Variants in RASA3 observed in about 807,000 individuals in gnomAD.
The protein encoded by RASA3 is RAS p21 protein activator 3, also known as ras GTPase-activating protein 3.
RASA3 carries 73 observed loss-of-function variants against 110.0 expected under a neutral mutation model. That is an observed-to-expected ratio of 0.66 (90% CI 0.55 to 0.81). RASA3 has a LOEUF of 0.81. Ranked by LOEUF, RASA3 falls within the 30% of genes least tolerant of loss-of-function variation. The pLI, the probability that RASA3 is intolerant of heterozygous loss-of-function variation, is 0.00. For missense variants in RASA3, 976 were observed against 1,113.2 expected, an observed-to-expected ratio of 0.88 and a Z score of 1.75; for synonymous variants, 500 against 451.4, an observed-to-expected ratio of 1.11 and a Z score of -1.37.
At chr13:114,129,190 C>T (rs2080488039) in intron 1 of RASA3, among the ~76,000 whole-genome samples, 3 of 152,222 alleles carry the variant, frequency 2.0e-5, no homozygotes, top group Admixed American at 2.0e-4. Flanking sequence ...GCAGCGATCG[C>T]ATAGGAAGTG....
rs961952057 is a variant in RASA3 at position 114,014,124 on chromosome 13, T to C, written c.1406-876A>G. Among the ~76,000 whole-genome samples, 10 of 143,334 alleles carry C rather than the reference T, an allele frequency of 7.0e-5. No individual in the cohort carries two copies. The highest frequency in any genetic ancestry group is 1.5e-4 in the Non-Finnish European group (10 of 65,256). The allele number at this position is 143,334 out of a possible 152,430, so 94.0% of individuals were successfully genotyped here. ...TCTCCCTGTCTCTCTCTCTCTCTCCTTGTCTCTCTCTGTCTCTCTCCTTCT... is the reference window on the plus strand; with the variant it reads ...TCTCCCTGTCTCTCTCTCTCTCTCCCTGTCTCTCTCTGTCTCTCTCCTTCT... On this transcript the variant is annotated intron_variant, in intron 14 of 23. Coordinates refer to ENST00000334062, the MANE Select transcript of RASA3 (RefSeq NM_007368.4). This position sits in a 1 kb window ranked among gnomAD's most constrained non-coding sequence, Gnocchi z 4.5.
intron 1 of RASA3, among the ~76,000 whole-genome samples, chr13:114,109,185 C>T (rs1412784354): frequency 6.6e-6 from 1 of 152,226 alleles, no homozygotes; most frequent in African/African-American, 2.4e-5. Context: ...GTGACCGTCA[C>T]AGGACGTTCA....
chr13:113,979,669 G>A (rs532902204), intron 23 of RASA3, among the ~76,000 whole-genome samples: 2 of 152,286 alleles, frequency 1.3e-5, no homozygotes, highest in Admixed American at 6.5e-5. Context: ...CGTGTGTAGC[G>A]CATATACATG....
At chr13:114,040,715 C>G (rs564729864) in intron 4 of RASA3, among the ~76,000 whole-genome samples, 13 of 148,410 alleles carry the variant, frequency 8.8e-5, no homozygotes, top group Non-Finnish European at 7.4e-5. Context: ...ACGCGGAGCC[C>G]GCGCTCACTC....
chr13:114,119,596 C>A (rs1337337306), intron 1 of RASA3, among the ~76,000 whole-genome samples: 3 of 97,776 alleles, frequency 3.1e-5, no homozygotes, highest in East Asian at 7.1e-4. Flanking sequence ...TCCTCACCTT[C>A]TCTCCAGCCA....
chr13:114,080,865 G>A (rs983805724), intron 1 of RASA3, among the ~76,000 whole-genome samples: 5 of 93,768 alleles, frequency 5.3e-5, no homozygotes, highest in Admixed American at 2.1e-4. Flanking sequence ...CAATAGTGCC[G>A]TGTGGCAGAG....
chr13:114,058,459 G>C lies in RASA3; in HGVS notation c.174-6304C>G, dbSNP rs9590543. Among the ~76,000 whole-genome samples, 449 of 152,376 alleles carry C rather than the reference G, an allele frequency of 2.9e-3. 2 individuals carry two copies. The highest frequency in any genetic ancestry group is 0.01 in the African/African-American group (428 of 41,600). On this transcript the variant is annotated intron_variant, in intron 2 of 23. Transcript: ENST00000334062. The stretch of plus-strand genomic sequence containing the variant: ...CCCGTGACTTGTGGTCACCAGACCG[G>C]ACGGAAAACACAGAGACCATTTCCT...
chr13:114,132,358 T>C lies in RASA3; in HGVS notation c.55+77A>G, dbSNP rs973154236. 20 of 1,376,918 alleles carry C rather than the reference T, an allele frequency of 1.5e-5. No homozygotes were observed. The African/African-American group carries it at 2.8e-4, about 20-fold the overall frequency. 85.3% of individuals were successfully genotyped at this position (1,376,918 alleles called of 1,614,324 possible). A position where few individuals can be genotyped will look rare whatever the true frequency, so the allele number is the denominator to read the frequency against. ...TCCGCCGGGGTCCCCAGCAAGGATC[T>C]GCGGAGGGGAGGCGGGCGCGGGAGA... On this transcript the variant is annotated intron_variant, in intron 1 of 23. Coordinates refer to ENST00000334062, the MANE Select transcript of RASA3 (RefSeq NM_007368.4).
intron 20 of RASA3, among the ~76,000 whole-genome samples, chr13:113,997,266 AC>A (rs2053277887): frequency 6.6e-6 from 1 of 152,194 alleles, no homozygotes; most frequent in Non-Finnish European, 1.5e-5. Context: ...CGGGGCAGCA[AC>A]AACCTTTACC....
At chr13:113,993,805 CTA>C (rs1491304439) in intron 21 of RASA3, among the ~76,000 whole-genome samples, 1 of 41,326 alleles carries the variant, frequency 2.4e-5, no homozygotes, top group African/African-American at 1.6e-4. Flanking sequence ...GAGACTCTGC[CTA>C]AAAAAAAAAA....
intron 2 of RASA3, among the ~76,000 whole-genome samples, chr13:114,059,006 T>C (rs1170421719): frequency 1.3e-5 from 2 of 152,202 alleles, no homozygotes. Flanking sequence ...GAGATCAACC[T>C]GGGCAACATA....
At chr13:114,035,217 A>C (rs1415911988) in intron 4 of RASA3, among the ~76,000 whole-genome samples, 1 of 152,252 alleles carries the variant, frequency 6.6e-6, no homozygotes, top group Non-Finnish European at 1.5e-5. Context: ...CAATAAAATT[A>C]ATAAACCTCA....
chr13:114,044,588 G>A (rs1034810903), intron 3 of RASA3, among the ~76,000 whole-genome samples: 3 of 132,190 alleles, frequency 2.3e-5, no homozygotes, highest in Admixed American at 7.7e-5. Flanking sequence ...TCAAGGGTCC[G>A]GAGTGGGGGC....
intron 1 of RASA3, among the ~76,000 whole-genome samples, chr13:114,106,009 C>A (rs894391868): frequency 6.6e-6 from 1 of 152,158 alleles, no homozygotes; most frequent in African/African-American, 2.4e-5. Flanking sequence ...CCTCTGGGGC[C>A]ACGGCAGGAA....
chr13:114,011,218 T>G lies in RASA3; in HGVS notation c.1543A>C (p.Ile515Leu). ...DPQTSRTLTL[I>L]SKTVQTLGSL... ...CCGAGGGTCTGAACGGTCTTGGAGATCAATGTCAGCGTCCTGGACGTCTGG... is the reference window on the plus strand; with the variant it reads ...CCGAGGGTCTGAACGGTCTTGGAGAGCAATGTCAGCGTCCTGGACGTCTGG... Residue 515 changes from isoleucine (I) to leucine (L), a missense_variant, in exon 16 of 24, where the codon ATC becomes CTC. Ile to Leu is a conservative substitution (Grantham distance 5). This residue lies in a region of RASA3 where 732 missense variants were observed against 779.7 expected (regional missense o/e 0.94). Transcript: ENST00000334062. The surrounding 1 kb of genome is among the most constrained non-coding windows in gnomAD (Gnocchi z 4.8). 4 of 1,612,752 alleles carry G rather than the reference T, an allele frequency of 2.5e-6. No homozygotes were observed. The highest frequency in any genetic ancestry group is 3.4e-6 in the Non-Finnish European group (4 of 1,179,680).
At chr13:114,130,804 G>A (rs751348791) in intron 1 of RASA3, among the ~76,000 whole-genome samples, 4 of 152,124 alleles carry the variant, frequency 2.6e-5, no homozygotes, top group Non-Finnish European at 5.9e-5. Context: ...ACCTGGCACT[G>A]CCCCACAGGG....
chr13:114,026,306 A>G (rs115231663), intron 7 of RASA3, among the ~76,000 whole-genome samples: 3,125 of 152,190 alleles, frequency 0.021, 109 homozygotes, highest in African/African-American at 0.071. Flanking sequence ...TCCATGCTGC[A>G]TGCCTCCTGC....
At chr13:114,026,008 C>T (rs150553648) in intron 7 of RASA3, among the ~76,000 whole-genome samples, 9 of 152,370 alleles carry the variant, frequency 5.9e-5, no homozygotes, top group Middle Eastern at 3.4e-3. Context: ...CACACAGCAG[C>T]GGTCAGCGAG....
intron 23 of RASA3, among the ~76,000 whole-genome samples, chr13:113,979,977 C>T (rs2052873397): frequency 7.4e-6 from 1 of 135,022 alleles, no homozygotes; most frequent in Non-Finnish European, 1.7e-5. Context: ...CCACGTGTAC[C>T]TCCTCCCATG....
Sources: gnomAD v4.1 joint callset for allele counts (sites outside exome capture counted in the v4.1 genomes callset) on GRCh38, gnomAD v4.1.1 for gene constraint, gnomAD v4.1.1 regional missense constraint, Gnocchi (gnomAD v3.1) non-coding constraint, MANE v1.5 for transcripts, NCBI Gene and HGNC (gene_info 2026-07-23, HGNC 2026-07-21) for gene names.